The following LUZP2 variants were observed in gnomAD, a reference collection of about 807,000 sequenced individuals.
The protein encoded by LUZP2 is leucine zipper protein 2.
A neutral mutation model predicts 51.6 loss-of-function variants in LUZP2; 52 were observed. The observed-to-expected ratio is 1.01, with a 90% CI of 0.81 to 1.27. The LOEUF (loss-of-function observed/expected upper bound fraction) is 1.27. Among genes scored for constraint, LUZP2 ranks in the 50% most tolerant of loss-of-function variants. LUZP2 has a pLI of 0.00. For missense variants in LUZP2, 436 were observed against 395.4 expected, an observed-to-expected ratio of 1.10 and a Z score of -0.87; for synonymous variants, 154 against 137.3, an observed-to-expected ratio of 1.12 and a Z score of -0.85.
chr11:25,023,121 G>A lies in LUZP2; in HGVS notation c.766-26917G>A, dbSNP rs143172453. Among the ~76,000 whole-genome samples, 1,189 of 151,912 alleles carry A rather than the reference G, an allele frequency of 7.8e-3. 33 individuals are homozygous for A. In the East Asian group the frequency reaches 0.099, roughly 13 times the overall value. ...GGTCTGAAATTCTCTTTTTTTTGTT[G>A]TGTCTCTGCCAGGCTTTGGTGTCAG... On this transcript the variant is annotated intron_variant, in intron 9 of 11. Coordinates refer to ENST00000336930, the MANE Select transcript of LUZP2 (RefSeq NM_001009909.4).
At chr11:24,703,060 T>C (rs1458353800) in intron 1 of LUZP2, among the ~76,000 whole-genome samples, 4 of 152,216 alleles carry the variant, frequency 2.6e-5, no homozygotes, top group Non-Finnish European at 5.9e-5. Context: ...GAAAAAGTTA[T>C]GAATGTGAAG....
intron 6 of LUZP2, among the ~76,000 whole-genome samples, chr11:24,912,409 T>C (rs1853661711): frequency 1.3e-5 from 2 of 152,114 alleles, no homozygotes; most frequent in African/African-American, 4.8e-5. Context: ...CAAATTCAAG[T>C]TTCCACTTGA....
intron 3 of LUZP2, among the ~76,000 whole-genome samples, chr11:24,735,779 T>G (rs4923207): frequency 0.15 from 23,467 of 151,898 alleles, 2,311 homozygotes; most frequent in Admixed American, 0.22. Context: ...GAGCCAGGAA[T>G]TTTTTAGAAT....
intron 1 of LUZP2, among the ~76,000 whole-genome samples, chr11:24,705,738 C>T (rs532676938): frequency 3.3e-5 from 5 of 152,306 alleles, no homozygotes; most frequent in African/African-American, 1.2e-4. Context: ...ACATTTCCTA[C>T]AGTGCCTGGA....
At chr11:24,667,549 T>C (rs956940139) in intron 1 of LUZP2, among the ~76,000 whole-genome samples, 7 of 152,176 alleles carry the variant, frequency 4.6e-5, no homozygotes, top group African/African-American at 1.7e-4. Flanking sequence ...GGGATTAAAC[T>C]ATGCACTCTG....
At chr11:24,825,750 C>T (rs1218341165) in intron 5 of LUZP2, among the ~76,000 whole-genome samples, 3 of 152,032 alleles carry the variant, frequency 2.0e-5, no homozygotes, top group Admixed American at 6.6e-5. Context: ...AGCTTCCCTC[C>T]TCACCCCCTG....
At chr11:24,632,959 A>C (rs1854945817) in intron 1 of LUZP2, among the ~76,000 whole-genome samples, 1 of 152,026 alleles carries the variant, frequency 6.6e-6, no homozygotes, top group African/African-American at 2.4e-5. Context: ...TGGATCTCAA[A>C]GGAGTAAAAC....
intron 1 of LUZP2, among the ~76,000 whole-genome samples, chr11:24,716,148 TAATA>T (rs1858032809): frequency 6.6e-6 from 1 of 152,222 alleles, no homozygotes; most frequent in African/African-American, 2.4e-5. Flanking sequence ...ATGCTTGCTA[TAATA>T]AATAATTATT....
At chr11:24,572,389 A>G (rs751362845) in intron 1 of LUZP2, among the ~76,000 whole-genome samples, 20 of 151,986 alleles carry the variant, frequency 1.3e-4, no homozygotes, top group Non-Finnish European at 2.5e-4. Flanking sequence ...CAGTTTATAT[A>G]CTTTTTTTTT....
At chr11:24,695,724 A>G (rs1221196964) in intron 1 of LUZP2, among the ~76,000 whole-genome samples, 1 of 152,092 alleles carries the variant, frequency 6.6e-6, no homozygotes, top group Non-Finnish European at 1.5e-5. Flanking sequence ...AAGAGAATGT[A>G]TACATTGTAT....
chr11:24,762,438 A>G (rs1860015796), intron 4 of LUZP2, among the ~76,000 whole-genome samples: 1 of 152,200 alleles, frequency 6.6e-6, no homozygotes, highest in African/African-American at 2.4e-5. Context: ...TGAATATATC[A>G]AATTAAGTGT....
At chr11:24,602,014 A>C (rs1038081200) in intron 1 of LUZP2, among the ~76,000 whole-genome samples, 46 of 128,698 alleles carry the variant, frequency 3.6e-4, no homozygotes, top group Non-Finnish European at 4.2e-4. Context: ...ATATGTATAT[A>C]TGTATATATG....
At chr11:24,869,119 G>C (rs1289101642) in intron 5 of LUZP2, among the ~76,000 whole-genome samples, 3 of 152,110 alleles carry the variant, frequency 2.0e-5, no homozygotes. Context: ...GGGATGACTT[G>C]AGCAGATACA....
chr11:24,874,263 C>T (rs549308992), intron 5 of LUZP2, among the ~76,000 whole-genome samples: 68 of 152,176 alleles, frequency 4.5e-4, no homozygotes, highest in Middle Eastern at 3.4e-3. Context: ...GATTCGAGGG[C>T]CCCTGTCAGG....
intron 1 of LUZP2, among the ~76,000 whole-genome samples, chr11:24,556,410 T>C (rs1004962861): frequency 1.3e-5 from 2 of 152,182 alleles, no homozygotes; most frequent in African/African-American, 4.8e-5. Flanking sequence ...AATCTAGATT[T>C]ACAAATATCT....
chr11:25,025,736 A>G (rs936323602), intron 9 of LUZP2, among the ~76,000 whole-genome samples: 4 of 152,142 alleles, frequency 2.6e-5, no homozygotes, highest in African/African-American at 9.7e-5. Flanking sequence ...ACAGTGTGGC[A>G]ATTCCTCAGG....
At chr11:24,929,516 A>G (rs1048058566) in intron 7 of LUZP2, among the ~76,000 whole-genome samples, 2 of 152,046 alleles carry the variant, frequency 1.3e-5, no homozygotes, top group Middle Eastern at 3.4e-3. Context: ...TTTCCTTGCA[A>G]TTGTATGGTG....
chr11:24,690,447 T>G (rs1457655805), intron 1 of LUZP2, among the ~76,000 whole-genome samples: 1 of 152,154 alleles, frequency 6.6e-6, no homozygotes, highest in Admixed American at 6.6e-5. Context: ...TTGCACAAAC[T>G]TATTTTATGG....
chr11:25,025,746 G>A (rs1857471883), intron 9 of LUZP2, among the ~76,000 whole-genome samples: 1 of 152,096 alleles, frequency 6.6e-6, no homozygotes, highest in South Asian at 2.1e-4. Flanking sequence ...AATTCCTCAG[G>A]GATCTAGAAC....
Sources: gnomAD v4.1 joint callset for allele counts (sites outside exome capture counted in the v4.1 genomes callset) on GRCh38, gnomAD v4.1.1 for gene constraint, MANE v1.5 for transcripts, NCBI Gene and HGNC (gene_info 2026-07-23, HGNC 2026-07-21) for gene names.